The following ZDHHC18 variants were observed in gnomAD, a reference collection of about 807,000 sequenced individuals.
The protein encoded by ZDHHC18 is palmitoyltransferase ZDHHC18.
Under a neutral mutation model 37.5 loss-of-function variants are expected in ZDHHC18, and 23 were observed. The observed-to-expected ratio is 0.61, with a 90% CI of 0.44 to 0.87. The LOEUF (loss-of-function observed/expected upper bound fraction) is 0.87. ZDHHC18 is among the 40% of genes least tolerant of loss of function. The pLI is 0.00. For synonymous variants in ZDHHC18, 185 were observed against 218.7 expected, an observed-to-expected ratio of 0.85 and a Z score of 1.36; for missense variants, 406 against 525.6, an observed-to-expected ratio of 0.77 and a Z score of 2.22.
chr1:26,844,036 A>ATTTGT (rs1356467489), intron 2 of ZDHHC18, among the ~76,000 whole-genome samples: 4 of 151,520 alleles, frequency 2.6e-5, no homozygotes, highest in African/African-American at 9.7e-5. Flanking sequence ...ACTTTACACA[A>ATTTGT]TTTGTTTTGT....
Position 26,854,074 on chromosome 1 carries a change from G to A in ZDHHC18, c.*231G>A, listed in dbSNP as rs890675165. On this transcript the variant is annotated 3_prime_UTR_variant, in exon 8 of 8. Coordinates refer to ENST00000374142, the MANE Select transcript of ZDHHC18 (RefSeq NM_032283.3). This position sits in a 1 kb window ranked among gnomAD's most constrained non-coding sequence, Gnocchi z 4.6. The stretch of plus-strand genomic sequence containing the variant: ...TAGGTACCCCAGCTGATCAGTGCCA[G>A]GAGAGACCAGAGCCTCTGGAGGCTA... The A allele has an allele frequency of 1.9e-5, 10 of 532,520 alleles. No individual in the cohort carries two copies. The Admixed American group carries it at 2.9e-4, about 15-fold the overall frequency. 33.0% of individuals were successfully genotyped at this position (532,520 alleles called of 1,614,324 possible).
In ZDHHC18 at chr1:26,856,559, G is replaced by C. The variant is rs1035663785; in HGVS notation, c.*2716G>C. 9.9e-6 allele frequency: 2 copies of C among 202,456 alleles called. No individual in the cohort carries two copies. Among genetic ancestry groups the C allele is most frequent in the Non-Finnish European group, 2.2e-5 (2 of 92,236 alleles). 12.5% of individuals were successfully genotyped at this position (202,456 alleles called of 1,614,324 possible). The stretch of plus-strand genomic sequence containing the variant: ...AGGCTGGGGAGAGGATGGCGAACCT[G>C]CCCTGAGGTGCTTGGGTCTGTGCTG... On this transcript the variant is annotated 3_prime_UTR_variant, in exon 8 of 8. Coordinates refer to ENST00000374142, the MANE Select transcript of ZDHHC18 (RefSeq NM_032283.3). This position sits in a 1 kb window ranked among gnomAD's most constrained non-coding sequence, Gnocchi z 5.2.
chr1:26,847,143 C>T (rs1481720300), intron 2 of ZDHHC18, among the ~76,000 whole-genome samples: 1 of 152,116 alleles, frequency 6.6e-6, no homozygotes, highest in Non-Finnish European at 1.5e-5. Flanking sequence ...GATCCGCCCG[C>T]CTCGGCCCCC....
chr1:26,848,877 G>A lies in ZDHHC18; in HGVS notation c.646+120G>A, dbSNP rs2081687206. 11 of 1,409,696 alleles carry A rather than the reference G, an allele frequency of 7.8e-6. No individual in the cohort carries two copies. In the South Asian group the frequency reaches 1.5e-4, roughly 19 times the overall value. The allele number at this position is 1,409,696 out of a possible 1,614,324, so 87.3% of individuals were successfully genotyped here. On this transcript the variant is annotated intron_variant, in intron 3 of 7. Transcript: ENST00000374142. ...GGTCTGAAATACCCAGGGCTGGGCA[G>A]GGGGTCTGGTTCACCCAGATTTGCC...
chr1:26,837,460 A>ATTATTTATTTATTTAT (rs756559483), intron 2 of ZDHHC18, among the ~76,000 whole-genome samples: 1 of 144,982 alleles, frequency 6.9e-6, no homozygotes, highest in Non-Finnish European at 1.5e-5. Context: ...TATTATGTAT[A>ATTATTTATTTATTTAT]TTATTTATTT....
intron 2 of ZDHHC18, among the ~76,000 whole-genome samples, chr1:26,848,019 A>G (rs1346921318): frequency 6.6e-6 from 1 of 152,128 alleles, no homozygotes; most frequent in Non-Finnish European, 1.5e-5. Context: ...TGAGATGCAA[A>G]TAAACCTCAC....
At chr1:26,827,876 C>T (rs1258521635) in intron 1 of ZDHHC18, among the ~76,000 whole-genome samples, 1 of 152,312 alleles carries the variant, frequency 6.6e-6, no homozygotes, top group African/African-American at 2.4e-5. Flanking sequence ...CTCCACCCAG[C>T]CGGCTCCCAG....
chr1:26,827,209 G>A, intron 1 of ZDHHC18, 70 bp downstream of exon 1: 1 of 1,223,300 alleles, frequency 8.2e-7, no homozygotes, highest in Non-Finnish European at 1.0e-6. Flanking sequence ...ATCCCTGCTG[G>A]GCACTCCGTG....
At chr1:26,851,684 C>G (rs2081705438) in intron 6 of ZDHHC18, among the ~76,000 whole-genome samples, 1 of 152,232 alleles carries the variant, frequency 6.6e-6, no homozygotes, top group South Asian at 2.1e-4. Flanking sequence ...GGGGACAGAG[C>G]CAAGGTTGGT....
At chr1:26,832,301 A>G in intron 1 of ZDHHC18, 146 bp from the exon 2 acceptor site, 1 of 952,234 alleles carries the variant, frequency 1.1e-6, no homozygotes, top group Non-Finnish European at 1.6e-6. Context: ...GCACTCATCA[A>G]GGAGCTGTGC....
chr1:26,846,235 G>GAGAGAGATATATAGATATATATCTCT (rs2081664350), intron 2 of ZDHHC18, among the ~76,000 whole-genome samples: 3 of 10,956 alleles, frequency 2.7e-4, no homozygotes, highest in Non-Finnish European at 5.1e-4. Flanking sequence ...TGTATATAGA[G>GAGAGAGATATATAGATATATATCTCT]AGAGAGATAT....
At position 26,828,829 on chromosome 1, in the gene ZDHHC18, G is replaced by A. The variant is rs553842379; in HGVS notation, c.335+1690G>A. ...CCTGGGCTGGCCACATGAGTGTTTT[G>A]GAAATGCCTTTTCTAGTATCCCCTG... On this transcript the variant is annotated intron_variant, in intron 1 of 7. Coordinates refer to ENST00000374142, the MANE Select transcript of ZDHHC18 (RefSeq NM_032283.3). Among the ~76,000 whole-genome samples, 4 of 152,072 alleles carry A rather than the reference G, an allele frequency of 2.6e-5. No homozygotes were observed. The South Asian group carries it at 8.3e-4, about 32-fold the overall frequency.
At chr1:26,843,672 C>T (rs1484866259) in intron 2 of ZDHHC18, among the ~76,000 whole-genome samples, 3 of 151,712 alleles carry the variant, frequency 2.0e-5, no homozygotes, top group Non-Finnish European at 4.4e-5. Context: ...CACCTGTAAT[C>T]CCAACTCCTC....
chr1:26,826,776 G>A lies in ZDHHC18; in HGVS notation c.-29G>A. On this transcript the variant is annotated 5_prime_UTR_variant, in exon 1 of 8. Transcript: ENST00000374142. The surrounding 1 kb of genome is among the most constrained non-coding windows in gnomAD (Gnocchi z 5.2). ...CGGAGTGGCCCGGCCGGCCCGCGGGGCGCGGAGCCGAGGCCCGCGGCTGGC... is the reference window on the plus strand; with the variant it reads ...CGGAGTGGCCCGGCCGGCCCGCGGGACGCGGAGCCGAGGCCCGCGGCTGGC... 1 of 968,102 alleles carries A rather than the reference G, an allele frequency of 1.0e-6. No individual in the cohort carries two copies. Among genetic ancestry groups the A allele is most frequent in the Non-Finnish European group, 1.2e-6 (1 of 816,346 alleles). 60.0% of individuals were successfully genotyped at this position (968,102 alleles called of 1,614,324 possible).
chr1:26,829,703 G>A (rs572686107), intron 1 of ZDHHC18, among the ~76,000 whole-genome samples: 1 of 152,220 alleles, frequency 6.6e-6, no homozygotes, highest in African/African-American at 2.4e-5. Flanking sequence ...TATGCAGTAG[G>A]TGCTCAATAC....
Position 26,852,850 on chromosome 1 carries a change from G to C in ZDHHC18, c.1034G>C (p.Gly345Ala). The C allele has an allele frequency of 6.2e-7, 1 of 1,613,864 alleles. No homozygotes were observed. The highest frequency in any genetic ancestry group is 2.2e-5 in the East Asian group (1 of 44,858). ...ACCAACTGCTGTGCTGTGCTCTGTG[G>C]CCCCCTACCTCCCAGGTAAGTGAGC... Reference protein sequence around the residue: ...IITNCCAVLCGPLPPSLIDRR... With the variant: ...IITNCCAVLCAPLPPSLIDRR... The change falls in exon 7 of 8, where the codon GGC becomes GCC. Residue 345 changes from glycine (G) to alanine (A), a missense_variant. Gly to Ala is a moderately conservative substitution (Grantham distance 60). Transcript: ENST00000374142.
chr1:26,839,396 C>T (rs2081627601), intron 2 of ZDHHC18, among the ~76,000 whole-genome samples: 1 of 152,214 alleles, frequency 6.6e-6, no homozygotes, highest in Non-Finnish European at 1.5e-5. Context: ...TGAACATCCA[C>T]AGTATGTCAG....
chr1:26,848,389 C>T (rs890499471), intron 2 of ZDHHC18, among the ~76,000 whole-genome samples: 4 of 152,128 alleles, frequency 2.6e-5, no homozygotes, highest in Admixed American at 6.5e-5. Context: ...TGGGTAAGGC[C>T]GGCAGGTGTA....
At chr1:26,829,475 C>T (rs2081574273) in intron 1 of ZDHHC18, among the ~76,000 whole-genome samples, 1 of 152,098 alleles carries the variant, frequency 6.6e-6, no homozygotes, top group Admixed American at 6.6e-5. Flanking sequence ...TGCAGGTGGC[C>T]TCATGGCTCA....
Sources: gnomAD v4.1 joint callset for allele counts (sites outside exome capture counted in the v4.1 genomes callset) on GRCh38, gnomAD v4.1.1 for gene constraint, Gnocchi (gnomAD v3.1) non-coding constraint, MANE v1.5 for transcripts, NCBI Gene and HGNC (gene_info 2026-07-23, HGNC 2026-07-21) for gene names.